Variants in COL4A2 observed in about 807,000 individuals in gnomAD.
The protein encoded by COL4A2 is collagen alpha-2(IV) chain.
In COL4A2, 99 loss-of-function variants were observed where a neutral mutation model predicts 200.2. That is an observed-to-expected ratio of 0.49 (90% CI 0.42 to 0.58). The LOEUF is 0.58. Ranked by LOEUF, COL4A2 falls within the 20% of genes least tolerant of loss-of-function variation. The pLI, the probability that COL4A2 is intolerant of heterozygous loss-of-function variation, is 0.00. For synonymous variants in COL4A2, 897 were observed against 900.6 expected (o/e 1.00, Z 0.07); for missense variants, 1,950 against 2,314.1 (o/e 0.84, Z 3.23).
At position 110,513,134 on chromosome 13, in the gene COL4A2, G is replaced by A. The variant is rs904196068; in HGVS notation, c.*943G>A. On this transcript the variant is annotated 3_prime_UTR_variant, in exon 48 of 48. Transcript: ENST00000360467. ...ACGCTGCTGTTTTTAATCCATCTCAGTAGAGTTGAACCCATTCGTGGTATT... is the reference window on the plus strand; with the variant it reads ...ACGCTGCTGTTTTTAATCCATCTCAATAGAGTTGAACCCATTCGTGGTATT... 6.6e-6 allele frequency: 1 copy of A among 152,146 alleles called. No individual in the cohort carries two copies. The highest frequency in any genetic ancestry group is 2.4e-5 in the African/African-American group (1 of 41,408). 9.4% of individuals were successfully genotyped at this position (152,146 alleles called of 1,614,324 possible).
At chr13:110,472,794 A>T in intron 28 of COL4A2, 135 bp from the exon 29 acceptor site, 5 of 714,894 alleles carry the variant, frequency 7.0e-6, no homozygotes, top group Non-Finnish European at 1.2e-5. Flanking sequence ...CGACAGGGAC[A>T]AGGGCTCGAG....
intron 4 of COL4A2, among the ~76,000 whole-genome samples, chr13:110,411,371 A>ATT (rs1879829305): frequency 6.6e-6 from 1 of 152,384 alleles, no homozygotes; most frequent in South Asian, 2.1e-4. Flanking sequence ...TAGAGAAAGC[A>ATT]TAGGTTATGT....
chr13:110,451,198 G>A (rs748512567), intron 20 of COL4A2, among the ~76,000 whole-genome samples: 5 of 152,148 alleles, frequency 3.3e-5, no homozygotes, highest in South Asian at 2.1e-4. Flanking sequence ...ATGCAGTCCC[G>A]CCTGGAGCTT....
At chr13:110,461,152 T>C (rs1297295270) in intron 22 of COL4A2, among the ~76,000 whole-genome samples, 2 of 152,372 alleles carry the variant, frequency 1.3e-5, no homozygotes, top group East Asian at 1.9e-4. Context: ...AGCTTCTCTC[T>C]AAAGTATCTT....
chr13:110,498,807 C>G (rs2139546110), intron 40 of COL4A2, among the ~76,000 whole-genome samples: 2 of 152,296 alleles, frequency 1.3e-5, no homozygotes, highest in South Asian at 4.1e-4. Context: ...TGTGTGGGAC[C>G]CATTTATCAA....
At chr13:110,446,743 T>C (rs1354946702) in intron 17 of COL4A2, 55 bp from the exon 18 acceptor site, 8 of 1,507,468 alleles carry the variant, frequency 5.3e-6, no homozygotes, top group African/African-American at 1.4e-5. Flanking sequence ...ATGTGTACTG[T>C]CAAAAACTCC....
intron 15 of COL4A2, among the ~76,000 whole-genome samples, chr13:110,439,131 A>G (rs1881028141): frequency 6.6e-6 from 1 of 152,266 alleles, no homozygotes; most frequent in East Asian, 1.9e-4. Context: ...CACCTGGGAG[A>G]CAGACCTCAC....
chr13:110,332,194 T>G (rs1038940720), intron 3 of COL4A2, among the ~76,000 whole-genome samples: 5 of 152,204 alleles, frequency 3.3e-5, no homozygotes, highest in Non-Finnish European at 7.3e-5. Context: ...CAATGTTAAG[T>G]CAAGAAAGGC....
chr13:110,381,906 T>C (rs915467055), intron 4 of COL4A2, among the ~76,000 whole-genome samples: 1 of 152,188 alleles, frequency 6.6e-6, no homozygotes, highest in African/African-American at 2.4e-5. Context: ...TGCTCTCCCT[T>C]TTTCTGCTGG....
chr13:110,490,306 C>A (rs927979362), intron 36 of COL4A2, among the ~76,000 whole-genome samples: 2 of 152,226 alleles, frequency 1.3e-5, no homozygotes, highest in East Asian at 3.8e-4. Context: ...CTCCTAAATT[C>A]CTGCCTGCAG....
chr13:110,417,976 A>G (rs1281915918), intron 4 of COL4A2, among the ~76,000 whole-genome samples: 1 of 152,034 alleles, frequency 6.6e-6, no homozygotes, highest in Non-Finnish European at 1.5e-5. Context: ...TGTCTTCCAA[A>G]GAGGCTGCAC....
At chr13:110,497,783 T>C in intron 40 of COL4A2, among the ~76,000 whole-genome samples, 1 of 145,292 alleles carries the variant, frequency 6.9e-6, no homozygotes, top group Non-Finnish European at 1.5e-5. Flanking sequence ...ACAGCCTCAG[T>C]CAGGGGTGAG....
chr13:110,478,370 A>G lies in COL4A2; in HGVS notation c.2587+206A>G, dbSNP rs140963072. The stretch of plus-strand genomic sequence containing the variant: ...GGCTCATCCTCTGTACCTGTTGTAT[A>G]TATTAAGGATCTAGGGAAGGTCTCA... On this transcript the variant is annotated intron_variant, in intron 30 of 47. Transcript: ENST00000360467. 4.9e-3 allele frequency among the ~76,000 whole-genome samples: 741 copies of G among 152,348 alleles called. 5 individuals carry two copies. The highest frequency in any genetic ancestry group is 0.017 in the African/African-American group (709 of 41,572).
chr13:110,390,581 T>C (rs1363756902), intron 4 of COL4A2, among the ~76,000 whole-genome samples: 1 of 152,242 alleles, frequency 6.6e-6, no homozygotes, highest in African/African-American at 2.4e-5. Context: ...AACTTGTGTA[T>C]TGGGAACTTC....
intron 4 of COL4A2, among the ~76,000 whole-genome samples, chr13:110,389,226 G>A (rs951826307): frequency 1.8e-4 from 28 of 152,254 alleles, no homozygotes; most frequent in African/African-American, 2.4e-4. Flanking sequence ...CTCTCACCCC[G>A]GCCAAAGATC....
chr13:110,368,678 T>C (rs1877859715), intron 4 of COL4A2, among the ~76,000 whole-genome samples: 1 of 152,052 alleles, frequency 6.6e-6, no homozygotes. Context: ...TCTTCAAGGA[T>C]TGCGTAGGAG....
At chr13:110,335,423 A>C (rs1409783618) in intron 3 of COL4A2, among the ~76,000 whole-genome samples, 2 of 152,096 alleles carry the variant, frequency 1.3e-5, no homozygotes. Flanking sequence ...CTGATGGTTT[A>C]ATAAGGGGAA....
intron 28 of COL4A2, among the ~76,000 whole-genome samples, chr13:110,472,269 C>A (rs1244354850): frequency 6.6e-6 from 1 of 152,062 alleles, no homozygotes; most frequent in Non-Finnish European, 1.5e-5. Flanking sequence ...GCATCCGCCA[C>A]CACACCTGGC....
intron 22 of COL4A2, among the ~76,000 whole-genome samples, chr13:110,460,865 T>G (rs923973818): frequency 6.6e-6 from 1 of 152,208 alleles, no homozygotes; most frequent in Non-Finnish European, 1.5e-5. Flanking sequence ...GGTCTGTGTG[T>G]GAGGAACTCT....
Sources: allele counts gnomAD v4.1 joint callset (sites outside exome capture counted in the v4.1 genomes callset), GRCh38; gene constraint gnomAD v4.1.1; transcripts MANE v1.5; gene names NCBI Gene and HGNC (gene_info 2026-07-23, HGNC 2026-07-21).